CACNA2D1: variants seen among roughly 807,000 people sequenced by gnomAD.
The protein encoded by CACNA2D1 is voltage-dependent calcium channel subunit alpha-2/delta-1.
CACNA2D1 carries 53 observed loss-of-function variants against 171.5 expected under a neutral mutation model. The ratio of observed to expected loss-of-function variants is 0.31; its 90% CI spans 0.25 to 0.39. The LOEUF (loss-of-function observed/expected upper bound fraction) is 0.39. Ranked by LOEUF, CACNA2D1 falls within the 10% of genes least tolerant of loss-of-function variation. The pLI is 1.00. For synonymous variants in CACNA2D1, 442 were observed against 443.1 expected (o/e 1.00, Z 0.03); for missense variants, 903 against 1,299.8 (o/e 0.69, Z 4.69).
chr7:82,348,402 C>G (rs980310444), intron 2 of CACNA2D1, among the ~76,000 whole-genome samples: 1 of 152,012 alleles, frequency 6.6e-6, no homozygotes, highest in African/African-American at 2.4e-5. Context: ...AGTGTCAGTT[C>G]TCTGAGGAGA....
intron 38 of CACNA2D1, among the ~76,000 whole-genome samples, chr7:81,955,978 ATATTTTTTTTTT>A (rs1474917445): frequency 3.0e-4 from 15 of 49,222 alleles, no homozygotes; most frequent in Admixed American, 2.0e-3. Context: ...ATATATATAT[ATATTTTTTTTTT>A]TTTTTTTTTT....
intron 3 of CACNA2D1, among the ~76,000 whole-genome samples, chr7:82,319,170 T>A (rs1563360219): frequency 1.3e-5 from 2 of 152,156 alleles, no homozygotes; most frequent in Admixed American, 1.3e-4. Context: ...CAGAAGCACA[T>A]AAAAAATTGT....
intron 5 of CACNA2D1, 71 bp downstream of exon 5, chr7:82,136,564 T>A (rs1225771619): frequency 2.9e-5 from 34 of 1,191,126 alleles, no homozygotes; most frequent in Non-Finnish European, 4.0e-5. Context: ...GCTAGCTCAA[T>A]TTATTCTATA....
At chr7:82,178,398 T>G (rs566391445) in intron 3 of CACNA2D1, among the ~76,000 whole-genome samples, 25 of 152,248 alleles carry the variant, frequency 1.6e-4, no homozygotes, top group African/African-American at 6.0e-4. Flanking sequence ...ACAATTATCA[T>G]ACCTTCTTTT....
At chr7:82,034,133 T>C (rs1803028803) in intron 11 of CACNA2D1, among the ~76,000 whole-genome samples, 1 of 152,118 alleles carries the variant, frequency 6.6e-6, no homozygotes, top group African/African-American at 2.4e-5. Flanking sequence ...TCTTCAAACT[T>C]CAGTATGCAT....
At chr7:82,053,833 T>C (rs1364372943) in intron 10 of CACNA2D1, among the ~76,000 whole-genome samples, 1 of 152,210 alleles carries the variant, frequency 6.6e-6, no homozygotes, top group Non-Finnish European at 1.5e-5. Context: ...TGAAATGTAT[T>C]CCCAGTTTTT....
chr7:82,014,563 A>G, intron 12 of CACNA2D1, 84 bp from the exon 13 acceptor site: 1 of 776,032 alleles, frequency 1.3e-6, no homozygotes, highest in Non-Finnish European at 2.3e-6. Flanking sequence ...ATTTCTATTG[A>G]AAAGAGTGCT....
chr7:82,165,610 C>G (rs1795372489), intron 4 of CACNA2D1, among the ~76,000 whole-genome samples: 1 of 152,004 alleles, frequency 6.6e-6, no homozygotes, highest in Non-Finnish European at 1.5e-5. Context: ...TGAACAACAA[C>G]AGTAAGGCAC....
chr7:82,039,259 A>AT lies in CACNA2D1; in HGVS notation c.880-1025dup, dbSNP rs542737519. On this transcript the variant is annotated intron_variant, in intron 10 of 38. Transcript: ENST00000356860. Reference sequence around the variant, plus strand: ...CATATTCTTGCAAATATAATTCATCATTTTTTTCTCTGAAGATCACTGAAC... The same window carrying AT: ...CATATTCTTGCAAATATAATTCATCATTTTTTTTCTCTGAAGATCACTGAAC... Among the ~76,000 whole-genome samples, 593 of 87,456 alleles carry AT rather than the reference A, an allele frequency of 6.8e-3. 3 individuals carry two copies. Among genetic ancestry groups the AT allele is most frequent in the African/African-American group, 0.024 (573 of 24,020 alleles). The allele number at this position is 87,456 out of a possible 152,430, so 57.4% of individuals were successfully genotyped here.
intron 6 of CACNA2D1, among the ~76,000 whole-genome samples, chr7:82,094,076 C>G (rs1811564021): frequency 6.6e-6 from 1 of 152,112 alleles, no homozygotes; most frequent in African/African-American, 2.4e-5. Flanking sequence ...GAGGCACACA[C>G]AGCTTGGTAC....
At chr7:82,333,267 A>G (rs1194433328) in intron 3 of CACNA2D1, among the ~76,000 whole-genome samples, 2 of 152,192 alleles carry the variant, frequency 1.3e-5, no homozygotes, top group African/African-American at 4.8e-5. Flanking sequence ...ATTTAGATAA[A>G]AGGTAAAAGT....
chr7:82,210,586 T>A (rs559314712), intron 3 of CACNA2D1, among the ~76,000 whole-genome samples: 1 of 146,424 alleles, frequency 6.8e-6, no homozygotes, highest in South Asian at 2.1e-4. Flanking sequence ...AATTGCACTG[T>A]GTCTGGGTAA....
chr7:82,030,219 G>T (rs897059891), intron 12 of CACNA2D1, among the ~76,000 whole-genome samples: 2 of 151,510 alleles, frequency 1.3e-5, no homozygotes, highest in African/African-American at 4.8e-5. Context: ...TAGAAAAGAA[G>T]CTTTAAACCC....
At chr7:82,162,914 C>G (rs773293527) in intron 4 of CACNA2D1, among the ~76,000 whole-genome samples, 2 of 151,982 alleles carry the variant, frequency 1.3e-5, no homozygotes, top group Non-Finnish European at 2.9e-5. Context: ...TACTTTGCTT[C>G]CTTATTTTAA....
rs1795937272 is a variant in CACNA2D1 at position 82,170,760 on chromosome 7, ATCTAACCTACT to A, written c.295-162_295-152del. ...TTCATAAATTCTAAATCATTTAGTAATCTAACCTACTAAAGTTGATGTTTGTATATTTACTC... is the reference window on the plus strand; with the variant it reads ...TTCATAAATTCTAAATCATTTAGTAAAAAGTTGATGTTTGTATATTTACTC... On this transcript the variant is annotated intron_variant, in intron 3 of 38. Transcript: ENST00000356860. The A allele has an allele frequency of 4.1e-6, 3 of 725,254 alleles. No individual in the cohort carries two copies. In the Admixed American group the frequency reaches 6.3e-5, roughly 15 times the overall value. 44.9% of individuals were successfully genotyped at this position (725,254 alleles called of 1,614,324 possible).
intron 31 of CACNA2D1, among the ~76,000 whole-genome samples, 186 bp downstream of exon 31, chr7:81,966,983 A>G (rs916031201): frequency 6.6e-6 from 1 of 151,510 alleles, no homozygotes; most frequent in Admixed American, 6.6e-5. Context: ...TATTTTTAAA[A>G]ATTCAAGCAC....
chr7:82,066,322 A>T, intron 8 of CACNA2D1, 133 bp downstream of exon 8: 1 of 1,207,208 alleles, frequency 8.3e-7, no homozygotes, highest in Non-Finnish European at 1.2e-6. Flanking sequence ...ACCTATATTT[A>T]CTTATTTTTA....
chr7:82,132,504 C>T (rs1266116437), intron 5 of CACNA2D1, among the ~76,000 whole-genome samples: 7 of 152,166 alleles, frequency 4.6e-5, no homozygotes, highest in African/African-American at 1.7e-4. Context: ...TGTATGCAAA[C>T]TCTGAGACAT....
In CACNA2D1 at chr7:82,117,062, T is replaced by A; in HGVS notation, c.508A>T (p.Thr170Ser). Reference protein sequence around the residue: ...SYQHAAVHIPTDIYEGSTIVL... With the variant: ...SYQHAAVHIPSDIYEGSTIVL... ...TACTTACAGCCCTCATAGATGTCAG[T>A]AGGAATATGGACTGCTGCGTGCTGA... Residue 170 changes from threonine to serine, a missense_variant, in exon 6 of 39, where the codon ACT becomes TCT. Physicochemically the swap from Thr to Ser is moderately conservative, Grantham distance 58. This residue lies in a region of CACNA2D1 where 189 missense variants were observed against 266.8 expected (regional missense o/e 0.71). Coordinates refer to ENST00000356860, the MANE Select transcript of CACNA2D1 (RefSeq NM_000722.4). 1 of 1,613,832 alleles carries A rather than the reference T, an allele frequency of 6.2e-7. No individual in the cohort carries two copies. Among genetic ancestry groups the A allele is most frequent in the South Asian group, 1.1e-5 (1 of 91,082 alleles).
Sources: gnomAD v4.1 joint callset for allele counts (sites outside exome capture counted in the v4.1 genomes callset) on GRCh38, gnomAD v4.1.1 for gene constraint, gnomAD v4.1.1 regional missense constraint, MANE v1.5 for transcripts, NCBI Gene and HGNC (gene_info 2026-07-23, HGNC 2026-07-21) for gene names.